Variants in PCNX2 observed in about 807,000 individuals in gnomAD.
PCNX2 encodes the protein pecanex-like protein 2.
Under a neutral mutation model 223.8 loss-of-function variants are expected in PCNX2, and 168 were observed. The ratio of observed to expected loss-of-function variants is 0.75; its 90% CI spans 0.66 to 0.85. PCNX2 has a LOEUF of 0.85. PCNX2 is among the 40% of genes least tolerant of loss of function. PCNX2 has a pLI of 0.00. For synonymous variants in PCNX2, 1,006 were observed against 1,052.6 expected, an observed-to-expected ratio of 0.96 and a Z score of 0.86; for missense variants, 2,507 against 2,675.5, an observed-to-expected ratio of 0.94 and a Z score of 1.39.
intron 25 of PCNX2, among the ~76,000 whole-genome samples, chr1:233,035,846 G>A (rs1291760703): frequency 1.3e-5 from 2 of 152,148 alleles, no homozygotes; most frequent in Non-Finnish European, 2.9e-5. Flanking sequence ...GGGAACACAA[G>A]ATGTGTGAGA....
At chr1:233,089,925 C>A in intron 23 of PCNX2, 136 bp downstream of exon 23, 2 of 1,477,776 alleles carry the variant, frequency 1.4e-6, no homozygotes, top group Admixed American at 2.7e-5. Context: ...AGGAGGTCAT[C>A]AAGAGAGACA....
rs200439765 is a variant in PCNX2, at chr1:233,169,644, C to CAAAAAAAA, written c.3273+8150_3273+8157dup. ...TGGGCGACAGAGCGAAACTCCGTCT[C>CAAAAAAAA]AAAAAAAAAAAAAAAATGTGACACA... On this transcript the variant is annotated intron_variant, in intron 17 of 33. Transcript: ENST00000258229. Among the ~76,000 whole-genome samples, 35 of 68,894 alleles carry CAAAAAAAA rather than the reference C, an allele frequency of 5.1e-4. No homozygotes were observed. In the South Asian group the frequency reaches 0.011, roughly 22 times the overall value. 45.2% of individuals were successfully genotyped at this position (68,894 alleles called of 152,430 possible).
At chr1:233,068,921 C>A (rs1672732023) in intron 23 of PCNX2, among the ~76,000 whole-genome samples, 1 of 152,082 alleles carries the variant, frequency 6.6e-6, no homozygotes, top group Non-Finnish European at 1.5e-5. Flanking sequence ...ATGACCTACG[C>A]TGCCTACAAG....
At chr1:233,208,763 T>G in intron 12 of PCNX2, 74 bp from the exon 13 acceptor site, 1 of 1,318,374 alleles carries the variant, frequency 7.6e-7, no homozygotes, top group Non-Finnish European at 1.0e-6. Context: ...AGTCAATAAT[T>G]TACACTATAT....
intron 1 of PCNX2, among the ~76,000 whole-genome samples, chr1:233,283,388 TAA>T (rs1661286150): frequency 6.6e-6 from 1 of 152,242 alleles, no homozygotes; most frequent in African/African-American, 2.4e-5. Flanking sequence ...TTTCCAAATG[TAA>T]TTCCCCACCA....
chr1:232,998,464 G>T lies in PCNX2; in HGVS notation c.5604-26C>A, dbSNP rs756854564. On this transcript the variant is annotated intron_variant, in intron 31 of 33. Coordinates refer to ENST00000258229, the MANE Select transcript of PCNX2 (RefSeq NM_014801.4). ...CTGTGGGAGGGAGAAGTCCTTTGAG[G>T]ATTCTCAGCAACACACTTCCAATCC... The T allele has an allele frequency of 1.9e-6, 3 of 1,602,372 alleles. 1 individual carries two copies. In the South Asian group the frequency reaches 3.4e-5, roughly 18 times the overall value.
Position 232,986,368 on chromosome 1 carries a change from G to T in PCNX2, c.5964C>A (p.His1988Gln). The stretch of plus-strand genomic sequence containing the variant: ...GAGAGTGCAGGGACGTGGCCGAGGC[G>T]TGCAAGGAGAGCCGGCTGCCCGAGA... ...QRLSGSRLSLHASATSLHSQP... is the reference protein window; with the variant it reads ...QRLSGSRLSLQASATSLHSQP... Residue 1988 changes from histidine to glutamine, a missense_variant, in exon 33 of 34, where the codon CAC becomes CAA. Coordinates refer to ENST00000258229, the MANE Select transcript of PCNX2 (RefSeq NM_014801.4). 1.2e-6 allele frequency: 2 copies of T among 1,602,640 alleles called. No homozygotes were observed.
At chr1:233,192,744 A>C (rs1236361166) in intron 15 of PCNX2, among the ~76,000 whole-genome samples, 1 of 152,010 alleles carries the variant, frequency 6.6e-6, no homozygotes, top group Non-Finnish European at 1.5e-5. Flanking sequence ...ACCAAACAGC[A>C]AACAATGCAG....
chr1:233,080,904 A>T (rs2102921703), intron 23 of PCNX2, among the ~76,000 whole-genome samples: 1 of 152,260 alleles, frequency 6.6e-6, no homozygotes, highest in South Asian at 2.1e-4. Context: ...CCTGGGGAGG[A>T]AGATTCCTGA....
intron 32 of PCNX2, among the ~76,000 whole-genome samples, chr1:232,987,284 C>T (rs1191057468): frequency 6.6e-6 from 1 of 152,222 alleles, no homozygotes; most frequent in Non-Finnish European, 1.5e-5. Context: ...GTGGTTGTGT[C>T]CATGCTGCTG....
At chr1:233,177,991 G>C in intron 16 of PCNX2, 93 bp from the exon 17 acceptor site, 1 of 896,694 alleles carries the variant, frequency 1.1e-6, no homozygotes, top group Non-Finnish European at 1.7e-6. Context: ...ACCCACACAT[G>C]ACAAAAACAA....
chr1:233,193,333 C>T (rs914007805), intron 15 of PCNX2, among the ~76,000 whole-genome samples: 1 of 151,910 alleles, frequency 6.6e-6, no homozygotes, highest in African/African-American at 2.4e-5. Context: ...TGAACAGAAT[C>T]AACAATGTCA....
chr1:233,224,991 C>G (rs554633214), intron 10 of PCNX2, among the ~76,000 whole-genome samples: 5 of 151,642 alleles, frequency 3.3e-5, no homozygotes, highest in Non-Finnish European at 2.9e-5. Context: ...GAACAAATAC[C>G]TAATGAATGT....
At chr1:233,132,085 C>T (rs778044908) in intron 21 of PCNX2, among the ~76,000 whole-genome samples, 6 of 151,898 alleles carry the variant, frequency 4.0e-5, no homozygotes, top group African/African-American at 9.7e-5. Context: ...TACAGGCACC[C>T]GCCACCACGC....
rs543488628 is a variant in PCNX2 at position 233,145,266 on chromosome 1, G to A, written c.3518-5411C>T. Among the ~76,000 whole-genome samples, 5 of 152,130 alleles carry A rather than the reference G, an allele frequency of 3.3e-5. No individual in the cohort carries two copies. The East Asian group carries it at 7.7e-4, about 24-fold the overall frequency. On this transcript the variant is annotated intron_variant, in intron 19 of 33. Coordinates refer to ENST00000258229, the MANE Select transcript of PCNX2 (RefSeq NM_014801.4). ...CAGCCATGAGCCTCTGCACCTGGCC[G>A]GTGCTATGTTTAAGAGAAAAAGATC... is the stretch of plus-strand genomic sequence containing the variant.
intron 1 of PCNX2, among the ~76,000 whole-genome samples, chr1:233,274,777 C>A (rs557591063): frequency 3.9e-5 from 6 of 152,148 alleles, no homozygotes; most frequent in African/African-American, 1.4e-4. Context: ...CACAGACATG[C>A]GGTATTTGAA....
At chr1:233,130,438 G>A (rs549795709) in intron 21 of PCNX2, among the ~76,000 whole-genome samples, 3 of 149,874 alleles carry the variant, frequency 2.0e-5, no homozygotes, top group East Asian at 2.0e-4. Flanking sequence ...TCCAGCCTTG[G>A]AACTCAATAT....
rs894810599 is a variant in PCNX2, at chr1:233,126,641, CT to C, written c.3837+8371del. Among the ~76,000 whole-genome samples the C allele has an allele frequency of 3.9e-5, 6 of 152,024 alleles. No homozygotes were observed. Among genetic ancestry groups the C allele is most frequent in the Admixed American group, 2.6e-4 (4 of 15,264 alleles). On this transcript the variant is annotated intron_variant, in intron 21 of 33. Coordinates refer to ENST00000258229, the MANE Select transcript of PCNX2 (RefSeq NM_014801.4). The surrounding 1 kb of genome is among the most constrained non-coding windows in gnomAD (Gnocchi z 4.8). ...AGACAGAGATATGCATTAAAACAGACTTTTTTTGTATTTTCCATTGCTTTTC... is the reference window on the plus strand; with the variant it reads ...AGACAGAGATATGCATTAAAACAGACTTTTTTGTATTTTCCATTGCTTTTC...
intron 26 of PCNX2, chr1:233,019,046 G>T (rs1670784684): frequency 1.0e-6 from 1 of 985,246 alleles, no homozygotes; most frequent in Non-Finnish European, 1.2e-6. Context: ...ATAAAACCCA[G>T]AGCTCAAGGC....
Sources: gnomAD v4.1 joint callset for allele counts (sites outside exome capture counted in the v4.1 genomes callset) on GRCh38, gnomAD v4.1.1 for gene constraint, Gnocchi (gnomAD v3.1) non-coding constraint, MANE v1.5 for transcripts, NCBI Gene and HGNC (gene_info 2026-07-23, HGNC 2026-07-21) for gene names.